The following NEMF variants were observed in gnomAD, a reference collection of about 807,000 sequenced individuals.
NEMF encodes nuclear export mediator factor, also known as ribosome quality control complex subunit NEMF.
Under a neutral mutation model 162.2 loss-of-function variants are expected in NEMF, and 89 were observed. That is an observed-to-expected ratio of 0.55 (90% confidence interval 0.46 to 0.65). The LOEUF is 0.65. Among genes scored for constraint, NEMF ranks in the 30% least tolerant of loss-of-function variants. NEMF has a pLI of 0.00. For synonymous variants in NEMF, 421 were observed against 404.5 expected, an observed-to-expected ratio of 1.04 and a Z score of -0.49; for missense variants, 1,133 against 1,261.9, an observed-to-expected ratio of 0.90 and a Z score of 1.55.
chr14:49,782,746 G>A lies in NEMF; in HGVS notation c.*1890C>T. The A allele has an allele frequency of 6.7e-7, 1 of 1,485,060 alleles. No homozygotes were observed. The highest frequency in any genetic ancestry group is 9.2e-7 in the Non-Finnish European group (1 of 1,089,262). The allele number at this position is 1,485,060 out of a possible 1,614,324, so 92.0% of individuals were successfully genotyped here. ...ATGAAAATCTTTGAAGAAAGAAAGA[G>A]GGATGTTTTATGTAGTTTTTCAAGT... On this transcript the variant is annotated 3_prime_UTR_variant, in exon 33 of 33. Coordinates refer to ENST00000298310, the MANE Select transcript of NEMF (RefSeq NM_004713.6).
chr14:49,828,281 TACTC>T lies in NEMF; in HGVS notation c.1488+6_1488+9del. 1 of 1,583,000 alleles carries T rather than the reference TACTC, an allele frequency of 6.3e-7. No individual in the cohort carries two copies. Among genetic ancestry groups the T allele is most frequent in the Non-Finnish European group, 8.7e-7 (1 of 1,152,300 alleles). On this transcript the variant is annotated splice_donor_region_variant and intron_variant, in intron 15 of 32. Transcript: ENST00000298310. ...AACAACTAACATTCACTCTAAGAAA[TACTC>T]AGTACCTTCTCAGCAGCTTCAACAG...
At chr14:49,806,248 ATATATATATTTTTTTT>A (rs1484643267) in intron 18 of NEMF, 115 bp from the exon 19 acceptor site, 4 of 15,626 alleles carry the variant, frequency 2.6e-4, no homozygotes, top group Non-Finnish European at 4.0e-4. Flanking sequence ...ATATATATAT[ATATATATATTTTTTTT>A]TTTTTTTTTT....
At chr14:49,804,328 A>T (rs1044752627) in intron 19 of NEMF, among the ~76,000 whole-genome samples, 1 of 152,138 alleles carries the variant, frequency 6.6e-6, no homozygotes, top group Non-Finnish European at 1.5e-5. Context: ...GCAGATTTTT[A>T]AAAATATATC....
In NEMF at chr14:49,836,763, T is replaced by C. The variant is rs575705925; in HGVS notation, c.574+1376A>G. On this transcript the variant is annotated intron_variant, in intron 6 of 32. Transcript: ENST00000298310. ...TATGTGATGTGTTGGGATAGAAGTG[T>C]TTGAGATTTCAGATTTTTTCACATT... Among the ~76,000 whole-genome samples, 14 of 152,244 alleles carry C rather than the reference T, an allele frequency of 9.2e-5. No individual in the cohort carries two copies. In the South Asian group the frequency reaches 2.9e-3, roughly 32 times the overall value.
intron 26 of NEMF, 124 bp downstream of exon 26, chr14:49,795,667 T>C (rs1335741186): frequency 2.4e-6 from 2 of 837,496 alleles, no homozygotes; most frequent in Non-Finnish European, 3.7e-6. Flanking sequence ...AACTAATTTT[T>C]AGTCAAAGGA....
intron 8 of NEMF, 89 bp downstream of exon 8, chr14:49,833,334 A>C (rs1439737208): frequency 4.4e-6 from 3 of 684,110 alleles, no homozygotes; most frequent in African/African-American, 3.6e-5. Context: ...TTAAAATAAA[A>C]TGTATATATA....
At chr14:49,827,297 C>T (rs1043537770) in intron 15 of NEMF, among the ~76,000 whole-genome samples, 16 of 152,146 alleles carry the variant, frequency 1.1e-4, no homozygotes, top group African/African-American at 3.9e-4. Context: ...TTAGATTCTC[C>T]CACCTCAGCC....
chr14:49,834,407 C>A lies in NEMF; in HGVS notation c.617G>T (p.Gly206Val). ...ATCCACTTTGACATTACCCGAGAAT[C>A]CATTTTCTAAAAGACAGTGTTCAAT... Reference protein sequence around the residue: ...ALIEHCLLENGFSGNVKVDEK... With the variant: ...ALIEHCLLENVFSGNVKVDEK... Residue 206 changes from glycine to valine, a missense_variant, in exon 7 of 33, where the codon GGA becomes GTA. By Grantham distance (109) the Gly-to-Val change is moderately radical (BLOSUM62 -3). This residue lies in a region of NEMF where 582 missense variants were observed against 631.5 expected (regional missense o/e 0.92). Transcript: ENST00000298310. The A allele has an allele frequency of 6.2e-7, 1 of 1,608,878 alleles. No homozygotes were observed. The highest frequency in any genetic ancestry group is 2.2e-5 in the East Asian group (1 of 44,848).
At chr14:49,827,520 T>C (rs1021054594) in intron 15 of NEMF, among the ~76,000 whole-genome samples, 2 of 151,978 alleles carry the variant, frequency 1.3e-5, no homozygotes, top group Admixed American at 1.3e-4. Context: ...ACAACGGGGC[T>C]AGGCATGGTG....
At chr14:49,851,057 A>G (rs567593588) in intron 3 of NEMF, among the ~76,000 whole-genome samples, 133 of 152,220 alleles carry the variant, frequency 8.7e-4, no homozygotes, top group African/African-American at 2.9e-3. Flanking sequence ...TAGAGAAATT[A>G]GCCGGGTCTG....
intron 20 of NEMF, among the ~76,000 whole-genome samples, 164 bp downstream of exon 20, chr14:49,803,073 C>T (rs980550667): frequency 6.6e-6 from 1 of 152,162 alleles, no homozygotes; most frequent in Non-Finnish European, 1.5e-5. Flanking sequence ...ATGACAAACA[C>T]TAAACTTGTC....
chr14:49,838,670 C>T (rs1156922547), intron 5 of NEMF, among the ~76,000 whole-genome samples: 3 of 151,076 alleles, frequency 2.0e-5, no homozygotes, highest in Non-Finnish European at 2.9e-5. Flanking sequence ...CTACAAGCTC[C>T]GCCTCCTGGG....
intron 16 of NEMF, among the ~76,000 whole-genome samples, chr14:49,825,250 T>C (rs1214713503): frequency 6.6e-6 from 1 of 152,188 alleles, no homozygotes; most frequent in Non-Finnish European, 1.5e-5. Context: ...TGTGTGTGTA[T>C]GTAATGGAAC....
chr14:49,813,598 T>G (rs770199109), intron 18 of NEMF, among the ~76,000 whole-genome samples: 1 of 152,130 alleles, frequency 6.6e-6, no homozygotes, highest in Non-Finnish European at 1.5e-5. Context: ...GCAGCACATA[T>G]GTTTATAATT....
chr14:49,787,427 T>C lies in NEMF; in HGVS notation c.2896-677A>G, dbSNP rs970878702. Among the ~76,000 whole-genome samples, 57 of 152,220 alleles carry C rather than the reference T, an allele frequency of 3.7e-4. 1 individual carries two copies. Among genetic ancestry groups the C allele is most frequent in the African/African-American group, 1.3e-3 (55 of 41,464 alleles). ...TAGGCTGGGTGTGGTGGCTCATACC[T>C]GTAATCCCAGCACTTTGGGAGGCCA... is the stretch of plus-strand genomic sequence containing the variant. On this transcript the variant is annotated intron_variant, in intron 28 of 32. Coordinates refer to ENST00000298310, the MANE Select transcript of NEMF (RefSeq NM_004713.6).
chr14:49,799,199 C>A (rs1416513960), intron 25 of NEMF, among the ~76,000 whole-genome samples: 1 of 66,202 alleles, frequency 1.5e-5, no homozygotes, highest in Non-Finnish European at 2.9e-5. Flanking sequence ...CAAAGCGAGA[C>A]CCTGTTTCAA....
intron 25 of NEMF, 52 bp downstream of exon 25, chr14:49,799,423 T>TA (rs1334935464): frequency 4.9e-3 from 6,091 of 1,242,362 alleles, no homozygotes; most frequent in South Asian, 6.3e-3. Flanking sequence ...AGCTATCAAT[T>TA]AAAAAAAAAA....
intron 3 of NEMF, among the ~76,000 whole-genome samples, chr14:49,848,122 C>T (rs996964029): frequency 4.7e-4 from 72 of 152,036 alleles, no homozygotes; most frequent in Non-Finnish European, 4.0e-4. Context: ...CCACCTTAGC[C>T]TCCCAAGTAG....
Position 49,784,457 on chromosome 14 carries a change from G to A in NEMF, c.*179C>T, listed in dbSNP as rs1890062218. ...ACTTTTGGAAATCCTATCATAGACAGTGTTTCCTCTATATAAAACTGGGAA... is the reference window on the plus strand; with the variant it reads ...ACTTTTGGAAATCCTATCATAGACAATGTTTCCTCTATATAAAACTGGGAA... On this transcript the variant is annotated 3_prime_UTR_variant, in exon 33 of 33. Coordinates refer to ENST00000298310, the MANE Select transcript of NEMF (RefSeq NM_004713.6). The A allele has an allele frequency of 1.8e-6, 1 of 546,260 alleles. No individual in the cohort carries two copies. Among genetic ancestry groups the A allele is most frequent in the Non-Finnish European group, 3.2e-6 (1 of 308,764 alleles). The allele number at this position is 546,260 out of a possible 1,614,324, so 33.8% of individuals were successfully genotyped here.
Sources: gnomAD v4.1 joint callset for allele counts (sites outside exome capture counted in the v4.1 genomes callset) on GRCh38, gnomAD v4.1.1 for gene constraint, gnomAD v4.1.1 regional missense constraint, MANE v1.5 for transcripts, NCBI Gene and HGNC (gene_info 2026-07-23, HGNC 2026-07-21) for gene names.